The following NPAS3 variants were observed in gnomAD, a reference collection of about 807,000 sequenced individuals.
The protein encoded by NPAS3 is neuronal PAS domain-containing protein 3.
In NPAS3, 14 loss-of-function variants were observed where a neutral mutation model predicts 73.1. The ratio of observed to expected loss-of-function variants is 0.19; its 90% CI spans 0.13 to 0.30. NPAS3 has a LOEUF of 0.30. Among genes scored for constraint, NPAS3 ranks in the 10% least tolerant of loss-of-function variants. The probability of loss-of-function intolerance (pLI) is 1.00; values close to 1 mark genes in which losing one functional copy is unlikely to be tolerated. For synonymous variants in NPAS3, 620 were observed against 541.5 expected (o/e 1.14, Z -2.01); for missense variants, 1,096 against 1,250.0 (o/e 0.88, Z 1.86).
chr14:33,383,088 T>TAAAAAA (rs34877774), intron 4 of NPAS3, among the ~76,000 whole-genome samples: 1 of 104,278 alleles, frequency 9.6e-6, no homozygotes, highest in African/African-American at 3.9e-5. Context: ...GACCCTGTCT[T>TAAAAAA]AAAAAAAAAA....
At chr14:33,431,147 G>T (rs982891984) in intron 4 of NPAS3, among the ~76,000 whole-genome samples, 2 of 152,130 alleles carry the variant, frequency 1.3e-5, no homozygotes, top group Non-Finnish European at 2.9e-5. Flanking sequence ...TACCGTGTTG[G>T]TTGATTACTT....
chr14:33,179,128 C>T (rs965081973), intron 2 of NPAS3, among the ~76,000 whole-genome samples: 2 of 151,762 alleles, frequency 1.3e-5, no homozygotes, highest in African/African-American at 4.8e-5. Context: ...ATTTTTGAAG[C>T]ACCTTTAAAT....
At chr14:33,798,213 T>C (rs2138667569) in intron 11 of NPAS3, among the ~76,000 whole-genome samples, 1 of 152,334 alleles carries the variant, frequency 6.6e-6, no homozygotes, top group East Asian at 1.9e-4. Context: ...TTCCTGAATC[T>C]ATGCAGAACA....
chr14:33,214,934 G>T, intron 2 of NPAS3: 1 of 503,368 alleles, frequency 2.0e-6, no homozygotes, highest in Non-Finnish European at 3.5e-6. Context: ...ACAATTGAAG[G>T]AAAAAAACCT....
At chr14:32,985,542 A>C (rs904936935) in intron 1 of NPAS3, among the ~76,000 whole-genome samples, 20 of 152,190 alleles carry the variant, frequency 1.3e-4, no homozygotes, top group Non-Finnish European at 5.9e-5. Context: ...CTAGTAAAGA[A>C]ATTTAGCTCC....
intron 4 of NPAS3, among the ~76,000 whole-genome samples, chr14:33,470,393 A>G (rs921324130): frequency 1.3e-5 from 2 of 152,208 alleles, no homozygotes; most frequent in Admixed American, 6.5e-5. Flanking sequence ...TAGGACCATC[A>G]GTATAAAGAA....
At chr14:33,630,330 A>G (rs1391667005) in intron 5 of NPAS3, among the ~76,000 whole-genome samples, 1 of 152,244 alleles carries the variant, frequency 6.6e-6, no homozygotes, top group East Asian at 1.9e-4. Context: ...GTTACTGAAT[A>G]TTTAATTCTG....
At chr14:33,338,708 A>G (rs1326985778) in intron 3 of NPAS3, among the ~76,000 whole-genome samples, 2 of 152,210 alleles carry the variant, frequency 1.3e-5, no homozygotes, top group African/African-American at 4.8e-5. Context: ...TTATGAGAAC[A>G]TACTATTTAA....
chr14:33,159,667 C>A (rs1367870931), intron 2 of NPAS3, among the ~76,000 whole-genome samples: 1 of 151,192 alleles, frequency 6.6e-6, no homozygotes, highest in East Asian at 2.0e-4. Context: ...CATTCTCCTG[C>A]CTCAGCCTCC....
intron 3 of NPAS3, among the ~76,000 whole-genome samples, chr14:33,294,108 G>A (rs2042202835): frequency 6.6e-6 from 1 of 152,170 alleles, no homozygotes; most frequent in Non-Finnish European, 1.5e-5. Flanking sequence ...CTGCCTGCCT[G>A]GGTAGCTGGG....
At chr14:33,061,169 G>GA (rs2041084478) in intron 2 of NPAS3, among the ~76,000 whole-genome samples, 1 of 152,170 alleles carries the variant, frequency 6.6e-6, no homozygotes, top group South Asian at 2.1e-4. Flanking sequence ...TTCTGCTGGG[G>GA]GGAGGATGGT....
chr14:33,131,780 T>C lies in NPAS3; in HGVS notation c.140+75786T>C, dbSNP rs144831119. 2.2e-3 allele frequency among the ~76,000 whole-genome samples: 339 copies of C among 152,202 alleles called. 3 individuals carry two copies. Among genetic ancestry groups the C allele is most frequent in the African/African-American group, 7.8e-3 (326 of 41,540 alleles). ...GATTAACACAAAATCTCTGGCTTAG[T>C]TGGTAAGGAAGGGGTGTTAAAAAGG... On this transcript the variant is annotated intron_variant, in intron 2 of 11. Coordinates refer to ENST00000356141, the Ensembl canonical transcript of NPAS3.
At chr14:33,618,528 G>A (rs1421768520) in intron 5 of NPAS3, among the ~76,000 whole-genome samples, 3 of 152,124 alleles carry the variant, frequency 2.0e-5, no homozygotes, top group African/African-American at 7.2e-5. Flanking sequence ...GAGCTCAGGT[G>A]ATAAGGCAAG....
chr14:33,755,997 GA>G (rs1234201746), intron 7 of NPAS3, among the ~76,000 whole-genome samples: 1 of 152,130 alleles, frequency 6.6e-6, no homozygotes, highest in East Asian at 1.9e-4. Flanking sequence ...ATCTATTCAT[GA>G]GGGTTCTGCC....
intron 4 of NPAS3, among the ~76,000 whole-genome samples, chr14:33,466,848 A>G (rs1396216294): frequency 2.0e-5 from 3 of 152,132 alleles, no homozygotes; most frequent in Non-Finnish European, 2.9e-5. Context: ...CCACCCCATG[A>G]TCCAGTCACC....
intron 2 of NPAS3, among the ~76,000 whole-genome samples, chr14:33,109,280 T>C (rs1198122322): frequency 2.6e-5 from 4 of 152,174 alleles, no homozygotes; most frequent in Non-Finnish European, 5.9e-5. Flanking sequence ...TTTTAAATCT[T>C]TGAACCTCAG....
intron 1 of NPAS3, among the ~76,000 whole-genome samples, chr14:33,052,254 A>G (rs1231587588): frequency 6.6e-6 from 1 of 152,170 alleles, no homozygotes; most frequent in East Asian, 1.9e-4. Flanking sequence ...AAATATTTCT[A>G]AGCATGGGAT....
intron 3 of NPAS3, among the ~76,000 whole-genome samples, chr14:33,357,197 A>G (rs2045377764): frequency 6.6e-6 from 1 of 152,210 alleles, no homozygotes; most frequent in South Asian, 2.1e-4. Flanking sequence ...GTGGGGTTGT[A>G]AGAGCTGATT....
intron 4 of NPAS3, among the ~76,000 whole-genome samples, chr14:33,403,423 G>T (rs1203552659): frequency 6.6e-6 from 1 of 152,114 alleles, no homozygotes; most frequent in Admixed American, 6.6e-5. Flanking sequence ...CAGTCTGATA[G>T]ATTATAAAAT....
Sources: allele counts gnomAD v4.1 joint callset (sites outside exome capture counted in the v4.1 genomes callset), GRCh38; gene constraint gnomAD v4.1.1; transcripts MANE v1.5; gene names NCBI Gene and HGNC (gene_info 2026-07-23, HGNC 2026-07-21).